Variants in WARS2 observed in about 807,000 individuals in gnomAD.
The protein encoded by WARS2 is tryptophan--tRNA ligase, mitochondrial.
A neutral mutation model predicts 36.5 loss-of-function variants in WARS2; 28 were observed. The ratio of observed to expected loss-of-function variants is 0.77; its 90% CI spans 0.57 to 1.05. WARS2 has a LOEUF of 1.05. Among genes scored for constraint, WARS2 ranks in the 50% least tolerant of loss-of-function variants. The pLI is 0.00. For missense variants in WARS2, 435 were observed against 456.8 expected (o/e 0.95, Z 0.44); for synonymous variants, 174 against 178.4 (o/e 0.98, Z 0.20).
intron 1 of WARS2, among the ~76,000 whole-genome samples, chr1:119,138,033 A>T (rs1656634014): frequency 6.6e-6 from 1 of 152,226 alleles, no homozygotes; most frequent in South Asian, 2.1e-4. Flanking sequence ...GAGTAAGTGC[A>T]CAGCCAAGGC....
At chr1:119,057,325 T>C (rs1239535713) in intron 2 of WARS2, among the ~76,000 whole-genome samples, 2 of 151,814 alleles carry the variant, frequency 1.3e-5, no homozygotes, top group Admixed American at 6.6e-5. Flanking sequence ...TTTGTGTTTT[T>C]AGTAGAGACA....
intron 1 of WARS2, among the ~76,000 whole-genome samples, chr1:119,118,937 A>T (rs1182601222): frequency 6.6e-6 from 1 of 152,190 alleles, no homozygotes; most frequent in African/African-American, 2.4e-5. Flanking sequence ...AGGAGTCATA[A>T]ATCTTGAAAC....
chr1:119,066,394 C>A (rs1027809175), intron 2 of WARS2, among the ~76,000 whole-genome samples: 2 of 145,050 alleles, frequency 1.4e-5, no homozygotes, highest in African/African-American at 2.6e-5. Context: ...AGGAGAATGG[C>A]GTGAACCTGG....
intron 2 of WARS2, among the ~76,000 whole-genome samples, chr1:119,051,598 C>A (rs938272311): frequency 6.6e-6 from 1 of 151,986 alleles, no homozygotes; most frequent in Non-Finnish European, 1.5e-5. Context: ...GTTTTTAGCT[C>A]TTTGAGGAAC....
intron 1 of WARS2, among the ~76,000 whole-genome samples, chr1:119,098,844 C>A (rs1557978941): frequency 6.6e-6 from 1 of 152,152 alleles, no homozygotes; most frequent in East Asian, 1.9e-4. Context: ...ACAAGTGATT[C>A]TCCTGCCTCA....
intron 1 of WARS2, among the ~76,000 whole-genome samples, chr1:119,111,619 TG>T (rs945019057): frequency 1.3e-5 from 2 of 152,216 alleles, no homozygotes; most frequent in Non-Finnish European, 2.9e-5. Flanking sequence ...TGTGAGAACC[TG>T]GTAAAACTTC....
chr1:119,124,113 A>G (rs1190943232), intron 1 of WARS2, among the ~76,000 whole-genome samples: 3 of 152,220 alleles, frequency 2.0e-5, no homozygotes, highest in Admixed American at 6.5e-5. Flanking sequence ...TGCTCTGGCC[A>G]GAAACTTTGG....
intron 1 of WARS2, among the ~76,000 whole-genome samples, chr1:119,098,123 C>T (rs1356332363): frequency 2.0e-5 from 3 of 151,972 alleles, no homozygotes; most frequent in African/African-American, 7.3e-5. Flanking sequence ...GTGGCACAGA[C>T]CTGTAGTCCC....
At chr1:119,114,673 A>G (rs1050211724) in intron 1 of WARS2, among the ~76,000 whole-genome samples, 1 of 152,194 alleles carries the variant, frequency 6.6e-6, no homozygotes, top group Non-Finnish European at 1.5e-5. Flanking sequence ...GTCCACAAGA[A>G]AAGTAATTTT....
At chr1:119,038,133 C>G (rs1648032694) in intron 4 of WARS2, among the ~76,000 whole-genome samples, 1 of 152,150 alleles carries the variant, frequency 6.6e-6, no homozygotes, top group Admixed American at 6.6e-5. Context: ...GGGGCTGCAG[C>G]CTGGAAACTA....
At chr1:119,078,458 T>C (rs907412815) in intron 1 of WARS2, among the ~76,000 whole-genome samples, 2 of 152,196 alleles carry the variant, frequency 1.3e-5, no homozygotes, top group Non-Finnish European at 2.9e-5. Context: ...ATACACTTTC[T>C]ACCAAGTTCC....
At chr1:119,054,057 AAATAAT>A (rs1157405434) in intron 2 of WARS2, among the ~76,000 whole-genome samples, 1 of 151,172 alleles carries the variant, frequency 6.6e-6, no homozygotes, top group African/African-American at 2.4e-5. Flanking sequence ...ACCCCCTATC[AAATAAT>A]AATAATAATT....
intron 1 of WARS2, among the ~76,000 whole-genome samples, chr1:119,116,167 C>A (rs1433758777): frequency 6.6e-6 from 1 of 152,160 alleles, no homozygotes; most frequent in Non-Finnish European, 1.5e-5. Context: ...TAATTATTCA[C>A]ATAAAAGTCC....
In WARS2 at chr1:119,081,054, C is replaced by G. The variant is rs142755189; in HGVS notation, c.91-4447G>C. ...TTATTGGCTCATTTTTATAACAGAA[C>G]CAGCAGTACCAAATCCCTGGGGAGC... On this transcript the variant is annotated intron_variant, in intron 1 of 5. Coordinates refer to ENST00000235521, the MANE Select transcript of WARS2 (RefSeq NM_015836.4). 2.2e-3 allele frequency among the ~76,000 whole-genome samples: 342 copies of G among 152,296 alleles called. 1 individual carries two copies. The highest frequency in any genetic ancestry group is 7.6e-3 in the African/African-American group (316 of 41,548).
chr1:119,036,371 C>T (rs1244029333), intron 4 of WARS2, among the ~76,000 whole-genome samples: 1 of 152,126 alleles, frequency 6.6e-6, no homozygotes, highest in Non-Finnish European at 1.5e-5. Context: ...TTTTCCTCAG[C>T]ACTCATGGTC....
chr1:119,036,306 G>A lies in WARS2; in HGVS notation c.516-2093C>T, dbSNP rs556774804. ...CCATTGCTCTCTTCCACGCAGCCTGGAGTAGAAAGCCACTGGATCAGTGAG... is the reference window on the plus strand; with the variant it reads ...CCATTGCTCTCTTCCACGCAGCCTGAAGTAGAAAGCCACTGGATCAGTGAG... On this transcript the variant is annotated intron_variant, in intron 4 of 5. Coordinates refer to ENST00000235521, the MANE Select transcript of WARS2 (RefSeq NM_015836.4). Among the ~76,000 whole-genome samples the A allele has an allele frequency of 3.6e-4, 55 of 152,322 alleles. No homozygotes were observed. The South Asian group carries it at 7.9e-3, about 22-fold the overall frequency.
chr1:119,140,361 CT>C (rs1656867285), intron 1 of WARS2, 193 bp downstream of exon 1: 2 of 440,902 alleles, frequency 4.5e-6, no homozygotes, highest in Admixed American at 4.3e-5. Flanking sequence ...ACCAAGAAAC[CT>C]TTACGTCATC....
intron 2 of WARS2, among the ~76,000 whole-genome samples, chr1:119,065,323 G>C (rs890755886): frequency 1.1e-4 from 16 of 152,240 alleles, no homozygotes; most frequent in Non-Finnish European, 1.6e-4. Flanking sequence ...CAAGAAGTTA[G>C]TAAAAGCACA....
chr1:119,105,389 T>C (rs1654160465), intron 1 of WARS2, among the ~76,000 whole-genome samples: 2 of 151,716 alleles, frequency 1.3e-5, no homozygotes, highest in African/African-American at 4.8e-5. Flanking sequence ...TAGGGGAGAG[T>C]TGGAACAGTA....
Sources: gnomAD v4.1 joint callset for allele counts (sites outside exome capture counted in the v4.1 genomes callset) on GRCh38, gnomAD v4.1.1 for gene constraint, MANE v1.5 for transcripts, NCBI Gene and HGNC (gene_info 2026-07-23, HGNC 2026-07-21) for gene names.